The following KLF17 variants were observed in gnomAD, a reference collection of about 807,000 sequenced individuals.
The protein encoded by KLF17 is KLF transcription factor 17.
KLF17 carries 31 observed loss-of-function variants against 34.2 expected under a neutral mutation model. The ratio of observed to expected loss-of-function variants is 0.91; its 90% CI spans 0.68 to 1.22. The LOEUF (loss-of-function observed/expected upper bound fraction) is 1.22. Among genes scored for constraint, KLF17 ranks in the 50% most tolerant of loss-of-function variants. KLF17 has a pLI of 0.00. For synonymous variants in KLF17, 179 were observed against 186.7 expected (o/e 0.96, Z 0.34); for missense variants, 478 against 505.2 (o/e 0.95, Z 0.52).
chr1:44,103,610 C>T, the KLF17 span: 1 of 1,607,844 alleles, frequency 6.2e-7, no homozygotes, highest in Middle Eastern at 2.0e-4. Flanking sequence ...AGGTGGCGAT[C>T]TCGATCTCGA....
the KLF17 span, among the ~76,000 whole-genome samples, chr1:44,107,383 G>A: frequency 6.6e-6 from 1 of 152,164 alleles, no homozygotes; most frequent in African/African-American, 2.4e-5. Flanking sequence ...GGGATTACAG[G>A]TGTGAGCCAC....
At chr1:44,084,577 G>A in the KLF17 span, among the ~76,000 whole-genome samples, 1 of 151,658 alleles carries the variant, frequency 6.6e-6, no homozygotes, top group Non-Finnish European at 1.5e-5. Flanking sequence ...CTACTTGTGA[G>A]GCTGAGGTGG....
chr1:44,110,711 T>C, the KLF17 span: 1 of 151,760 alleles, frequency 6.6e-6, no homozygotes, highest in Non-Finnish European at 1.5e-5. Context: ...AATAAATAAG[T>C]AAATAAATAA....
chr1:44,088,362 C>T, the KLF17 span: 1 of 152,312 alleles, frequency 6.6e-6, no homozygotes, highest in African/African-American at 2.4e-5. Context: ...GGTGATCTGC[C>T]CACCTCGGCC....
chr1:44,072,861 T>C, the KLF17 span, among the ~76,000 whole-genome samples: 21 of 152,112 alleles, frequency 1.4e-4, no homozygotes, highest in East Asian at 4.1e-3. Flanking sequence ...GAGGTAGTCA[T>C]GTAGGAGGAA....
At chr1:44,122,450 G>A (rs117958769) in intron 1 of KLF17, 3 of 1,269,394 alleles carry the variant, frequency 2.4e-6, no homozygotes, top group African/African-American at 1.5e-5. Context: ...CCTGTGTTCT[G>A]TTCTTCAATG....
At chr1:44,080,643 A>G in the KLF17 span, among the ~76,000 whole-genome samples, 1 of 151,960 alleles carries the variant, frequency 6.6e-6, no homozygotes, top group South Asian at 2.1e-4. Context: ...ATTTTTATCA[A>G]ATCCTTTTTA....
At chr1:44,094,300 T>C in the KLF17 span, among the ~76,000 whole-genome samples, 2 of 152,344 alleles carry the variant, frequency 1.3e-5, no homozygotes, top group South Asian at 4.1e-4. Context: ...GGGTTGTCTC[T>C]TTTCTTTGTT....
At chr1:44,114,989 G>A (rs1001173285), upstream of KLF17, 1 of 152,158 alleles carries the variant, frequency 6.6e-6, no homozygotes. Flanking sequence ...CTTTAGGCAA[G>A]GGTCACATCT....
the KLF17 span, among the ~76,000 whole-genome samples, chr1:44,086,644 T>C: frequency 6.6e-6 from 1 of 152,320 alleles, no homozygotes; most frequent in Non-Finnish European, 1.5e-5. Context: ...ATGGTGATTA[T>C]CCACTGGAGA....
At chr1:44,109,855 A>G in the KLF17 span, among the ~76,000 whole-genome samples, 1 of 151,030 alleles carries the variant, frequency 6.6e-6, no homozygotes, top group African/African-American at 2.4e-5. Flanking sequence ...CAAAGAATAT[A>G]TAATATGACC....
the KLF17 span, among the ~76,000 whole-genome samples, chr1:44,109,999 C>T: frequency 9.3e-5 from 14 of 151,202 alleles, no homozygotes; most frequent in South Asian, 4.2e-4. Context: ...CTCCGCCTCC[C>T]GGGTTCAAGC....
At chr1:44,045,831 G>A in the KLF17 span, among the ~76,000 whole-genome samples, 1 of 152,008 alleles carries the variant, frequency 6.6e-6, no homozygotes, top group Non-Finnish European at 1.5e-5. Context: ...TCCAGAATGT[G>A]TCCCTCCCAC....
the KLF17 span, chr1:44,113,819 A>T: frequency 6.6e-6 from 1 of 152,276 alleles, no homozygotes; most frequent in Admixed American, 6.5e-5. Context: ...TGTGTGTAAA[A>T]GATACAGGAG....
chr1:44,114,607 G>A (rs2087863597), upstream of KLF17: 1 of 152,234 alleles, frequency 6.6e-6, no homozygotes, highest in Non-Finnish European at 1.5e-5. Context: ...ACCTGGCAGG[G>A]TCAAGAAGAC....
At chr1:44,129,026 A>C (rs2088066023) in intron 1 of KLF17, among the ~76,000 whole-genome samples, 1 of 151,982 alleles carries the variant, frequency 6.6e-6, no homozygotes, top group African/African-American at 2.4e-5. Context: ...AAAAAGAAAA[A>C]AAAAAACTGG....
At chr1:44,104,119 C>G in the KLF17 span, 6 of 1,012,610 alleles carry the variant, frequency 5.9e-6, no homozygotes, top group Non-Finnish European at 9.5e-6. Context: ...TTGATCTCGT[C>G]AGTCAGCCCT....
chr1:44,103,087 G>A, the KLF17 span, among the ~76,000 whole-genome samples: 1 of 152,076 alleles, frequency 6.6e-6, no homozygotes, highest in Non-Finnish European at 1.5e-5. Flanking sequence ...GTTTTATTTT[G>A]GACACACAAA....
rs1467292719 is a variant in KLF17 at position 44,134,731 on chromosome 1, A to G, written c.*1494A>G. 6.6e-6 allele frequency: 1 copy of G among 152,294 alleles called. No homozygotes were observed. The highest frequency in any genetic ancestry group is 6.5e-5 in the Admixed American group (1 of 15,282). 9.4% of individuals were successfully genotyped at this position (152,294 alleles called of 1,614,324 possible). ...ACATGGAGATTAGATTAGAGCAAGG[A>G]TGTAAGGGAGAGGAAGGGACATAGC... On this transcript the variant is annotated 3_prime_UTR_variant, in exon 4 of 4. Coordinates refer to ENST00000372299, the MANE Select transcript of KLF17 (RefSeq NM_173484.4).
Sources: gnomAD v4.1 joint callset for allele counts (sites outside exome capture counted in the v4.1 genomes callset) on GRCh38, gnomAD v4.1.1 for gene constraint, MANE v1.5 for transcripts, NCBI Gene and HGNC (gene_info 2026-07-23, HGNC 2026-07-21) for gene names.